TSHZ3: variants seen among roughly 807,000 people sequenced by gnomAD.
The protein encoded by TSHZ3 is teashirt homolog 3.
A neutral mutation model predicts 64.5 loss-of-function variants in TSHZ3; 10 were observed. The ratio of observed to expected loss-of-function variants is 0.16; its 90% CI spans 0.10 to 0.26. The LOEUF (loss-of-function observed/expected upper bound fraction) is 0.26. Ranked by LOEUF, TSHZ3 falls within the 10% of genes least tolerant of loss-of-function variation. The pLI is 1.00. For missense variants in TSHZ3, 1,242 were observed against 1,421.7 expected (o/e 0.87, Z 2.03); for synonymous variants, 608 against 593.1 (o/e 1.03, Z -0.36).
intron 1 of TSHZ3, among the ~76,000 whole-genome samples, chr19:31,347,238 A>AAAAT (rs377686321): frequency 0.015 from 2,255 of 151,676 alleles, 50 homozygotes; most frequent in African/African-American, 0.05. Flanking sequence ...GGTTGCTCTA[A>AAAAT]AAATAAATAA....
chr19:31,214,757 A>C (rs975892984), intron 4 of TSHZ3, among the ~76,000 whole-genome samples: 12 of 150,668 alleles, frequency 8.0e-5, no homozygotes, highest in Non-Finnish European at 1.2e-4. Flanking sequence ...AAATACAAAA[A>C]ATTAGCCGGG....
intron 5 of TSHZ3, among the ~76,000 whole-genome samples, chr19:31,174,866 A>T (rs1296178569): frequency 6.6e-6 from 1 of 152,208 alleles, no homozygotes; most frequent in Non-Finnish European, 1.5e-5. Flanking sequence ...ACTGGATGGG[A>T]TCAAACCTTA....
intron 5 of TSHZ3, among the ~76,000 whole-genome samples, chr19:31,164,263 C>A (rs925104640): frequency 2.6e-5 from 4 of 152,132 alleles, no homozygotes; most frequent in Admixed American, 6.5e-5. Context: ...CTGAATGCCC[C>A]GCTGTTCCTG....
chr19:31,221,187 G>A (rs772356114), intron 4 of TSHZ3, among the ~76,000 whole-genome samples: 3 of 152,196 alleles, frequency 2.0e-5, no homozygotes, highest in East Asian at 1.9e-4. Flanking sequence ...CATGGCAGGT[G>A]TAGCATTAGA....
chr19:31,204,452 G>A (rs932163108), intron 5 of TSHZ3, among the ~76,000 whole-genome samples: 3 of 151,400 alleles, frequency 2.0e-5, no homozygotes, highest in Non-Finnish European at 4.4e-5. Context: ...CCCCTTTTTG[G>A]GGGAGGGGTG....
At position 31,162,486 on chromosome 19, in the gene TSHZ3, G is replaced by A. The variant is rs188874500; in HGVS notation, n.810-6069C>T. 3.4e-3 allele frequency among the ~76,000 whole-genome samples: 511 copies of A among 152,246 alleles called. 8 individuals carry two copies. Among genetic ancestry groups the A allele is most frequent in the Non-Finnish European group, 1.7e-3 (115 of 68,020 alleles). Reference sequence around the variant, plus strand: ...CACTTGAATGGATGAATGAGTAAATGGATGACGGCTTTTTTCCGACTTTCT... The same window carrying A: ...CACTTGAATGGATGAATGAGTAAATAGATGACGGCTTTTTTCCGACTTTCT... On this transcript the variant is annotated intron_variant and non_coding_transcript_variant, in intron 5 of 6. Transcript: ENST00000651361.
intron 1 of TSHZ3, among the ~76,000 whole-genome samples, chr19:31,293,030 A>AATCCATCCATCCATCCATCCATCC (rs1042589257): frequency 1.2e-3 from 150 of 121,154 alleles, no homozygotes; most frequent in Admixed American, 3.0e-3. Context: ...TCCATCCAAA[A>AATCCATCCATCCATCCATCCATCC]ATCCATCCAT....
intron 3 of TSHZ3, among the ~76,000 whole-genome samples, chr19:31,235,687 TCTC>T (rs1975604413): frequency 1.4e-5 from 2 of 139,826 alleles, no homozygotes; most frequent in Non-Finnish European, 3.1e-5. Flanking sequence ...CTTTCTTTCT[TCTC>T]CTCTTCTTCT....
intron 1 of TSHZ3, among the ~76,000 whole-genome samples, chr19:31,325,085 C>A (rs914650044): frequency 6.6e-6 from 1 of 152,222 alleles, no homozygotes; most frequent in Admixed American, 6.5e-5. Flanking sequence ...CAGCCACCTC[C>A]GCTGTGCTCC....
chr19:31,279,062 T>C lies in TSHZ3; in HGVS notation c.731A>G (p.His244Arg), dbSNP rs762360444. The C allele has an allele frequency of 2.3e-5, 37 of 1,613,950 alleles. No homozygotes were observed. The highest frequency in any genetic ancestry group is 2.9e-5 in the Non-Finnish European group (34 of 1,180,002). The change falls in exon 2 of 2, where the codon CAT (histidine) becomes CGT (arginine). Residue 244 changes from histidine to arginine, a missense_variant. His to Arg is a conservative substitution (Grantham distance 29). Transcript: ENST00000240587. This position sits in a 1 kb window ranked among gnomAD's most constrained non-coding sequence, Gnocchi z 6.4. ...NETGHYRDDN[H>R]ETDNNNPKRW... is the part of the protein sequence containing the mutation. The stretch of plus-strand genomic sequence containing the variant: ...CTTGGGGTTGTTGTTATCGGTCTCA[T>C]GGTTGTCGTCGCGGTAATGCCCCGT...
chr19:31,238,648 G>T (rs1015281631), intron 3 of TSHZ3, among the ~76,000 whole-genome samples: 1 of 152,054 alleles, frequency 6.6e-6, no homozygotes, highest in African/African-American at 2.4e-5. Context: ...TCTAATGCCC[G>T]TATTTATCTC....
chr19:31,226,050 C>T (rs778892676), intron 4 of TSHZ3, among the ~76,000 whole-genome samples: 3 of 151,546 alleles, frequency 2.0e-5, no homozygotes, highest in Non-Finnish European at 4.4e-5. Flanking sequence ...TCACTGGAAT[C>T]GGGAGATGGA....
chr19:31,247,323 G>T (rs1041568719), intron 1 of TSHZ3, among the ~76,000 whole-genome samples: 1 of 152,158 alleles, frequency 6.6e-6, no homozygotes, highest in African/African-American at 2.4e-5. Context: ...AAGACATCCA[G>T]ATTAGCAACT....
intron 1 of TSHZ3, among the ~76,000 whole-genome samples, chr19:31,285,497 A>C (rs1976443178): frequency 6.6e-6 from 1 of 150,852 alleles, no homozygotes. Flanking sequence ...AAAAAGGAAA[A>C]GTAGGCCAGG....
chr19:31,273,841 T>A (rs1000397784), downstream of TSHZ3, among the ~76,000 whole-genome samples: 10 of 152,116 alleles, frequency 6.6e-5, no homozygotes, highest in African/African-American at 2.4e-4. Context: ...GCACAGGCCC[T>A]GCACCAGGAG....
chr19:31,338,062 A>C (rs1035794106), intron 1 of TSHZ3, among the ~76,000 whole-genome samples: 2 of 152,248 alleles, frequency 1.3e-5, no homozygotes, highest in African/African-American at 4.8e-5. Context: ...AATTTGCACT[A>C]TCGGGGCTCT....
chr19:31,205,205 G>A (rs915374828), intron 4 of TSHZ3, among the ~76,000 whole-genome samples: 8 of 152,046 alleles, frequency 5.3e-5, no homozygotes, highest in Non-Finnish European at 1.2e-4. Flanking sequence ...CCAGGTTTGG[G>A]GCCAAGTGCC....
At chr19:31,160,366 C>T (rs1260722127) in intron 5 of TSHZ3, among the ~76,000 whole-genome samples, 2 of 152,124 alleles carry the variant, frequency 1.3e-5, no homozygotes, top group Non-Finnish European at 2.9e-5. Context: ...GTCTATCTGC[C>T]CCTCTGCCAA....
chr19:31,190,050 T>C (rs1464440658), intron 5 of TSHZ3, among the ~76,000 whole-genome samples: 1 of 70,510 alleles, frequency 1.4e-5, no homozygotes, highest in East Asian at 3.1e-4. Flanking sequence ...GTAAGCATAG[T>C]ATAAAGGAAG....
Sources: allele counts gnomAD v4.1 joint callset (sites outside exome capture counted in the v4.1 genomes callset), GRCh38; gene constraint gnomAD v4.1.1; non-coding constraint Gnocchi (gnomAD v3.1); transcripts MANE v1.5; gene names NCBI Gene and HGNC (gene_info 2026-07-23, HGNC 2026-07-21).